The following PDE6A variants were observed in gnomAD, a reference collection of about 807,000 sequenced individuals.
PDE6A encodes rod cGMP-specific 3',5'-cyclic phosphodiesterase subunit alpha.
PDE6A carries 84 observed loss-of-function variants against 106.3 expected under a neutral mutation model. The ratio of observed to expected loss-of-function variants is 0.79; its 90% CI spans 0.66 to 0.95. The LOEUF is 0.95. Ranked by LOEUF, PDE6A falls within the 40% of genes least tolerant of loss-of-function variation. The pLI, the probability that PDE6A is intolerant of heterozygous loss-of-function variation, is 0.00. For missense variants in PDE6A, 1,052 were observed against 1,084.9 expected, an observed-to-expected ratio of 0.97 and a Z score of 0.43; for synonymous variants, 394 against 386.6, an observed-to-expected ratio of 1.02 and a Z score of -0.23.
At chr5:149,891,581 C>T (rs1752549820) in intron 13 of PDE6A, among the ~76,000 whole-genome samples, 1 of 152,110 alleles carries the variant, frequency 6.6e-6, no homozygotes, top group East Asian at 1.9e-4. Flanking sequence ...GCAGGAGGAT[C>T]ACTTGAGCCC....
intron 2 of PDE6A, 139 bp downstream of exon 2, chr5:149,934,427 T>C: frequency 1.2e-6 from 1 of 843,186 alleles, no homozygotes; most frequent in Non-Finnish European, 2.0e-6. Flanking sequence ...TTATCCTGCC[T>C]CCCTCAGAGA....
At chr5:149,864,242 G>T (rs913294503) in intron 20 of PDE6A, among the ~76,000 whole-genome samples, 1 of 112,278 alleles carries the variant, frequency 8.9e-6, no homozygotes, top group African/African-American at 4.9e-5. Context: ...TTGAGAAGAT[G>T]ATTTTTTTTT....
intron 1 of PDE6A, among the ~76,000 whole-genome samples, chr5:149,939,230 G>T (rs1754264714): frequency 6.6e-6 from 1 of 152,186 alleles, no homozygotes; most frequent in African/African-American, 2.4e-5. Context: ...TTCCAGGGAA[G>T]GTGAGGTGTG....
intron 17 of PDE6A, among the ~76,000 whole-genome samples, chr5:149,876,349 CTTTTTTTTTT>C (rs896643767): frequency 1.7e-5 from 2 of 120,118 alleles, no homozygotes; most frequent in Admixed American, 8.5e-5. Context: ...CATTTTTCCT[CTTTTTTTTTT>C]TTTTTTTTTT....
At chr5:149,873,684 C>A (rs928602319) in intron 17 of PDE6A, among the ~76,000 whole-genome samples, 1 of 152,074 alleles carries the variant, frequency 6.6e-6, no homozygotes, top group Non-Finnish European at 1.5e-5. Context: ...AATGTAATAG[C>A]CATCCTTAGC....
chr5:149,873,935 G>A (rs954613140), intron 17 of PDE6A, among the ~76,000 whole-genome samples: 2 of 151,816 alleles, frequency 1.3e-5, no homozygotes, highest in Non-Finnish European at 2.9e-5. Context: ...GAGCCTGGGA[G>A]GTTGAGGCTA....
rs1349423044 is a variant in PDE6A at position 149,859,359 on chromosome 5, G to A, written c.*1536C>T. 1 of 152,232 alleles carries A rather than the reference G, an allele frequency of 6.6e-6. No homozygotes were observed. The highest frequency in any genetic ancestry group is 1.5e-5 in the Non-Finnish European group (1 of 68,032). The allele number at this position is 152,232 out of a possible 1,614,324, so 9.4% of individuals were successfully genotyped here. Reference sequence around the variant, plus strand: ...CATTGAAAACGTTCATGAGAATGAAGGAAGGTTGATTAAGGGCTGGCATCA... The same window carrying A: ...CATTGAAAACGTTCATGAGAATGAAAGAAGGTTGATTAAGGGCTGGCATCA... On this transcript the variant is annotated 3_prime_UTR_variant, in exon 22 of 22. Coordinates refer to ENST00000255266, the MANE Select transcript of PDE6A (RefSeq NM_000440.3).
At chr5:149,915,300 C>T (rs566285194) in intron 5 of PDE6A, among the ~76,000 whole-genome samples, 35 of 152,230 alleles carry the variant, frequency 2.3e-4, no homozygotes, top group African/African-American at 7.2e-4. Flanking sequence ...TGAGCCACTG[C>T]ACCCAGCCAA....
rs112428416 is a variant in PDE6A, at chr5:149,915,387, G to A, written c.934-380C>T. ...AAACCAACTTTGTCCTTTTACCATCGTATGCCCCGTAGTTTTTGTTGTTTT... is the reference window on the plus strand; with the variant it reads ...AAACCAACTTTGTCCTTTTACCATCATATGCCCCGTAGTTTTTGTTGTTTT... On this transcript the variant is annotated intron_variant, in intron 5 of 21. Coordinates refer to ENST00000255266, the MANE Select transcript of PDE6A (RefSeq NM_000440.3). 4.3e-4 allele frequency among the ~76,000 whole-genome samples: 65 copies of A among 152,226 alleles called. 1 individual carries two copies. Among genetic ancestry groups the A allele is most frequent in the African/African-American group, 1.5e-3 (62 of 41,528 alleles).
At position 149,902,745 on chromosome 5, in the gene PDE6A, C is replaced by T. The variant is rs570439361; in HGVS notation, c.1113+903G>A. Among the ~76,000 whole-genome samples, 7 of 151,606 alleles carry T rather than the reference C, an allele frequency of 4.6e-5. No individual in the cohort carries two copies. In the South Asian group the frequency reaches 1.0e-3, roughly 23 times the overall value. On this transcript the variant is annotated intron_variant, in intron 8 of 21. Transcript: ENST00000255266. ...GCTGAGGCAGGAGGATGGCGTGAAC[C>T]TGGGAGGCGGAGCTTGCAGTGAGCC...
intron 4 of PDE6A, among the ~76,000 whole-genome samples, chr5:149,925,544 T>C (rs1263772281): frequency 6.6e-6 from 1 of 151,670 alleles, no homozygotes; most frequent in Admixed American, 6.6e-5. Context: ...CCATCTGTGC[T>C]AAAAACACAA....
At chr5:149,886,979 C>T (rs1419617754) in intron 13 of PDE6A, among the ~76,000 whole-genome samples, 2 of 152,178 alleles carry the variant, frequency 1.3e-5, no homozygotes, top group Non-Finnish European at 2.9e-5. Context: ...GTCAGAATTC[C>T]TGCTTCCGGG....
chr5:149,914,155 C>A (rs1753477306), intron 6 of PDE6A, among the ~76,000 whole-genome samples: 1 of 152,230 alleles, frequency 6.6e-6, no homozygotes, highest in African/African-American at 2.4e-5. Flanking sequence ...CTGGCCCTGG[C>A]TGTGAGATTG....
chr5:149,874,918 GGTCC>G (rs2113527045), intron 17 of PDE6A, among the ~76,000 whole-genome samples: 1 of 152,050 alleles, frequency 6.6e-6, no homozygotes, highest in Non-Finnish European at 1.5e-5. Context: ...CCCCCATGAT[GGTCC>G]ACAAAGTAGG....
chr5:149,881,896 TA>T (rs1311503502), intron 17 of PDE6A, among the ~76,000 whole-genome samples: 3 of 150,016 alleles, frequency 2.0e-5, no homozygotes, highest in Non-Finnish European at 2.9e-5. Context: ...CTACCAAAAT[TA>T]CAAAAATTAG....
intron 4 of PDE6A, among the ~76,000 whole-genome samples, chr5:149,927,206 T>A (rs1196452217): frequency 3.9e-5 from 6 of 152,040 alleles, no homozygotes; most frequent in African/African-American, 1.4e-4. Context: ...AAATAAGGTA[T>A]AAAAGTTTAA....
chr5:149,872,735 G>A (rs1161549659), intron 17 of PDE6A, among the ~76,000 whole-genome samples: 2 of 152,198 alleles, frequency 1.3e-5, no homozygotes, highest in Admixed American at 1.3e-4. Context: ...TGGGTGTGCA[G>A]GCAAGGGCTG....
intron 6 of PDE6A, 149 bp from the exon 7 acceptor site, chr5:149,907,527 C>G (rs963219726): frequency 4.5e-5 from 31 of 682,760 alleles, no homozygotes; most frequent in Non-Finnish European, 6.7e-5. Context: ...AAAATGTTGG[C>G]CAACCATCTT....
In PDE6A at chr5:149,867,601, A is replaced by G. The variant is rs1760377417; in HGVS notation, c.2274+124T>C. ...GCCTGGAGACCACATTTTTAGAACC[A>G]CTGCATTAGGAAAAGGTCATCTTTA... On this transcript the variant is annotated intron_variant, in intron 19 of 21. Coordinates refer to ENST00000255266, the MANE Select transcript of PDE6A (RefSeq NM_000440.3). 3 of 852,594 alleles carry G rather than the reference A, an allele frequency of 3.5e-6. No individual in the cohort carries two copies. In the Admixed American group the frequency reaches 6.0e-5, roughly 17 times the overall value. The allele number at this position is 852,594 out of a possible 1,614,324, so 52.8% of individuals were successfully genotyped here.
Sources: gnomAD v4.1 joint callset for allele counts (sites outside exome capture counted in the v4.1 genomes callset) on GRCh38, gnomAD v4.1.1 for gene constraint, MANE v1.5 for transcripts, NCBI Gene and HGNC (gene_info 2026-07-23, HGNC 2026-07-21) for gene names.